The following HTR1F variants were observed in gnomAD, a reference collection of about 807,000 sequenced individuals.
The protein encoded by HTR1F is 5-hydroxytryptamine receptor 1F.
Under a neutral mutation model 24.0 loss-of-function variants are expected in HTR1F, and 17 were observed. That is an observed-to-expected ratio of 0.71 (90% CI 0.48 to 1.06). The LOEUF is 1.06. HTR1F is among the 50% of genes least tolerant of loss of function. The pLI, the probability that HTR1F is intolerant of heterozygous loss-of-function variation, is 0.00. For synonymous variants in HTR1F, 186 were observed against 156.8 expected, an observed-to-expected ratio of 1.19 and a Z score of -1.39; for missense variants, 391 against 427.8, an observed-to-expected ratio of 0.91 and a Z score of 0.76.
chr3:87,803,134 C>A (rs947176668), intron 1 of HTR1F, among the ~76,000 whole-genome samples: 3 of 152,128 alleles, frequency 2.0e-5, no homozygotes, highest in Non-Finnish European at 4.4e-5. Flanking sequence ...CATTTTCTCT[C>A]GAATTCATCT....
At chr3:87,975,952 C>G (rs1186699233) in intron 2 of HTR1F, among the ~76,000 whole-genome samples, 3 of 152,204 alleles carry the variant, frequency 2.0e-5, no homozygotes, top group Non-Finnish European at 4.4e-5. Context: ...AGCACTCACA[C>G]TATGTTACTA....
chr3:87,906,101 A>G (rs1703661855), intron 2 of HTR1F, among the ~76,000 whole-genome samples: 1 of 152,142 alleles, frequency 6.6e-6, no homozygotes, highest in African/African-American at 2.4e-5. Context: ...GAAAAAATAC[A>G]ATAAAACGCT....
intron 2 of HTR1F, among the ~76,000 whole-genome samples, chr3:87,843,446 A>T (rs2107183284): frequency 6.6e-6 from 1 of 151,474 alleles, no homozygotes; most frequent in Non-Finnish European, 1.5e-5. Flanking sequence ...GAGCAAACAT[A>T]AATTTCTTGC....
Position 87,880,638 on chromosome 3 carries a change from GTGTT to G in HTR1F, c.-43+58522_-43+58525del, listed in dbSNP as rs1313724062. On this transcript the variant is annotated intron_variant, in intron 2 of 2. Coordinates refer to ENST00000319595, the MANE Select transcript of HTR1F (RefSeq NM_001322209.2). ...AATTGTTCAGCTACAAAATGTGTGT[GTGTT>G]TGTTTGTGTGTGTGTGTGTGTGTGT... 3.7e-4 allele frequency among the ~76,000 whole-genome samples: 51 copies of G among 138,172 alleles called. 1 individual carries two copies. In the East Asian group the frequency reaches 4.9e-3, roughly 13 times the overall value. 90.6% of individuals were successfully genotyped at this position (138,172 alleles called of 152,430 possible).
At chr3:87,910,385 A>G (rs937373521) in intron 2 of HTR1F, 2 of 152,014 alleles carry the variant, frequency 1.3e-5, no homozygotes, top group African/African-American at 2.4e-5. Context: ...AGACAATTAC[A>G]TAACAGTAAA....
At chr3:87,908,371 T>C (rs1384102289) in intron 2 of HTR1F, among the ~76,000 whole-genome samples, 1 of 152,024 alleles carries the variant, frequency 6.6e-6, no homozygotes, top group Non-Finnish European at 1.5e-5. Flanking sequence ...TGTGTGCAGC[T>C]AGCTAGAGTC....
chr3:87,861,282 AT>A (rs1249432701), intron 2 of HTR1F, among the ~76,000 whole-genome samples: 6 of 152,176 alleles, frequency 3.9e-5, no homozygotes, highest in Non-Finnish European at 8.8e-5. Context: ...TAGGAATTAA[AT>A]TTACTCACTA....
At chr3:87,912,560 G>A (rs1703801341) in intron 2 of HTR1F, among the ~76,000 whole-genome samples, 1 of 87,000 alleles carries the variant, frequency 1.1e-5, no homozygotes, top group Non-Finnish European at 2.2e-5. Context: ...CACAGAACTA[G>A]AAGAATAAAC....
intron 2 of HTR1F, among the ~76,000 whole-genome samples, chr3:87,911,168 C>T (rs1703771942): frequency 6.6e-6 from 1 of 151,692 alleles, no homozygotes; most frequent in African/African-American, 2.4e-5. Flanking sequence ...TCGAAAGATC[C>T]ACAAATCTAG....
At chr3:87,888,867 T>C (rs1240162985) in intron 2 of HTR1F, among the ~76,000 whole-genome samples, 1 of 152,184 alleles carries the variant, frequency 6.6e-6, no homozygotes, top group Non-Finnish European at 1.5e-5. Context: ...CATCTGTAAT[T>C]ACTCTATTTT....
intron 1 of HTR1F, among the ~76,000 whole-genome samples, chr3:87,797,659 G>GA (rs35725666): frequency 0.16 from 23,838 of 150,022 alleles, 1,990 homozygotes; most frequent in East Asian, 0.23. Context: ...GCATGAATCT[G>GA]AAAAAAAAAT....
chr3:87,967,791 T>C (rs1705199955), intron 2 of HTR1F, among the ~76,000 whole-genome samples: 1 of 152,192 alleles, frequency 6.6e-6, no homozygotes, highest in Non-Finnish European at 1.5e-5. Context: ...CCTCTTTTTC[T>C]TTATAAATTG....
intron 2 of HTR1F, among the ~76,000 whole-genome samples, chr3:87,881,860 G>T (rs1192988561): frequency 1.3e-5 from 2 of 152,138 alleles, no homozygotes; most frequent in South Asian, 2.1e-4. Flanking sequence ...TTGACAAATG[G>T]GATCTAATTA....
chr3:87,927,444 A>G (rs1370861567), intron 2 of HTR1F, among the ~76,000 whole-genome samples: 1 of 152,194 alleles, frequency 6.6e-6, no homozygotes, highest in African/African-American at 2.4e-5. Context: ...AGTGCACGTA[A>G]TACAGATCCA....
chr3:87,876,927 G>T (rs1361320801), intron 2 of HTR1F, among the ~76,000 whole-genome samples: 1 of 152,004 alleles, frequency 6.6e-6, no homozygotes, highest in Non-Finnish European at 1.5e-5. Context: ...CACTAAGGTG[G>T]TAAATTTTCG....
At chr3:87,949,434 C>A (rs1366503912) in intron 2 of HTR1F, among the ~76,000 whole-genome samples, 1 of 152,188 alleles carries the variant, frequency 6.6e-6, no homozygotes, top group Non-Finnish European at 1.5e-5. Flanking sequence ...TTCAGAAAGG[C>A]AGCCTCCTGT....
chr3:87,864,703 C>T (rs139542742), intron 2 of HTR1F, among the ~76,000 whole-genome samples: 164 of 152,160 alleles, frequency 1.1e-3, no homozygotes, highest in African/African-American at 3.8e-3. Context: ...CAAGACCAGC[C>T]TGGCCAACAT....
At chr3:87,813,424 G>A (rs542711795) in intron 1 of HTR1F, among the ~76,000 whole-genome samples, 106 of 152,316 alleles carry the variant, frequency 7.0e-4, no homozygotes, top group Admixed American at 2.8e-3. Context: ...TATCTTGAAA[G>A]TAACTAACTT....
Position 87,936,831 on chromosome 3 carries a change from C to A in HTR1F, c.-42-53877C>A, listed in dbSNP as rs539343363. On this transcript the variant is annotated intron_variant, in intron 2 of 2. Transcript: ENST00000319595. ...AGTCCATTCATTTGACTGAGATACT[C>A]ATTTCATCTCTAAACACCTCTATGC... is the stretch of plus-strand genomic sequence containing the variant. Among the ~76,000 whole-genome samples, 3 of 152,016 alleles carry A rather than the reference C, an allele frequency of 2.0e-5. No individual in the cohort carries two copies. The East Asian group carries it at 5.8e-4, about 29-fold the overall frequency.
Sources: gnomAD v4.1 joint callset for allele counts (sites outside exome capture counted in the v4.1 genomes callset) on GRCh38, gnomAD v4.1.1 for gene constraint, MANE v1.5 for transcripts, NCBI Gene and HGNC (gene_info 2026-07-23, HGNC 2026-07-21) for gene names.